ABR: variants seen among roughly 807,000 people sequenced by gnomAD.
The protein encoded by ABR is active breakpoint cluster region-related protein.
A neutral mutation model predicts 107.2 loss-of-function variants in ABR; 35 were observed. The observed-to-expected ratio is 0.33, with a 90% confidence interval of 0.25 to 0.43. ABR has a LOEUF of 0.43. Ranked by LOEUF, ABR falls within the 20% of genes least tolerant of loss-of-function variation. ABR has a pLI of 1.00. For synonymous variants in ABR, 498 were observed against 462.0 expected (o/e 1.08, Z -1.00); for missense variants, 815 against 1,115.2 (o/e 0.73, Z 3.83).
chr17:1,056,387 G>C (rs902641692), intron 13 of ABR, among the ~76,000 whole-genome samples: 1 of 152,098 alleles, frequency 6.6e-6, no homozygotes, highest in Non-Finnish European at 1.5e-5. Flanking sequence ...TTCCCCATGG[G>C]TACTGTCTCT....
intron 1 of ABR, chr17:1,156,006 T>C (rs938649225): frequency 4.1e-5 from 6 of 144,612 alleles, no homozygotes; most frequent in African/African-American, 1.5e-4. Context: ...GGTGACCAGA[T>C]CCTGCTGGCC....
chr17:1,166,714 T>C lies in ABR; in HGVS notation c.61+12953A>G, dbSNP rs1268232015. 5.3e-5 allele frequency among the ~76,000 whole-genome samples: 8 copies of C among 152,128 alleles called. No homozygotes were observed. The South Asian group carries it at 1.5e-3, about 28-fold the overall frequency. On this transcript the variant is annotated intron_variant, in intron 1 of 22. Coordinates refer to ENST00000302538, the MANE Select transcript of ABR (RefSeq NM_021962.5). ...CCTGGGACTTGCTAGAAATGCAGAA[T>C]CCAGGCCGGGCGCAGGGGCTCACGC...
intron 16 of ABR, 193 bp downstream of exon 16, chr17:1,049,857 A>T: frequency 1.4e-6 from 1 of 694,696 alleles, no homozygotes; most frequent in Non-Finnish European, 2.4e-6. Flanking sequence ...GGAGCCACGC[A>T]CACGCCTGGG....
At chr17:1,104,522 C>T (rs1412748492) in intron 2 of ABR, among the ~76,000 whole-genome samples, 1 of 152,182 alleles carries the variant, frequency 6.6e-6, no homozygotes, top group African/African-American at 2.4e-5. Flanking sequence ...AGTCAGTTCA[C>T]GGGCCACAGC....
intron 2 of ABR, among the ~76,000 whole-genome samples, chr17:1,110,362 G>T (rs374354442): frequency 6.6e-6 from 1 of 152,016 alleles, no homozygotes; most frequent in East Asian, 1.9e-4. Context: ...TGCGGGTGAG[G>T]CCTGCGGGTG....
At chr17:1,025,571 TCTGCCTCTGAGCACAC>T (rs1309533879) in intron 16 of ABR, among the ~76,000 whole-genome samples, 1 of 152,066 alleles carries the variant, frequency 6.6e-6, no homozygotes, top group Non-Finnish European at 1.5e-5. Context: ...ACTGTCCCCC[TCTGCCTCTGAGCACAC>T]CTGCCTCGGG....
chr17:1,140,615 A>G (rs966334155), intron 1 of ABR, among the ~76,000 whole-genome samples: 1 of 151,988 alleles, frequency 6.6e-6, no homozygotes, highest in Admixed American at 6.6e-5. Flanking sequence ...CGAAGTCTCA[A>G]TCTGTCACCC....
At chr17:1,045,443 A>T (rs902218222) in intron 16 of ABR, among the ~76,000 whole-genome samples, 1 of 151,450 alleles carries the variant, frequency 6.6e-6, no homozygotes, top group African/African-American at 2.4e-5. Flanking sequence ...TTCTTACAGC[A>T]GGACAATCTT....
At chr17:1,066,593 T>C (rs866184931) in intron 10 of ABR, among the ~76,000 whole-genome samples, 1 of 152,020 alleles carries the variant, frequency 6.6e-6, no homozygotes, top group Non-Finnish European at 1.5e-5. Flanking sequence ...CATTGGCATG[T>C]TCTTGGCTCA....
At position 1,039,213 on chromosome 17, in the gene ABR, CA is replaced by C. The variant is rs1022056488; in HGVS notation, c.1791+10836del. Among the ~76,000 whole-genome samples the C allele has an allele frequency of 5.3e-5, 8 of 152,208 alleles. No individual in the cohort carries two copies. In the East Asian group the frequency reaches 1.4e-3, roughly 26 times the overall value. ...TGGTGCCCACCCTTCAGAGGCGGGT[CA>C]GGGGGAGCGGGCGCCAAGCCTGCCT... is the stretch of plus-strand genomic sequence containing the variant. On this transcript the variant is annotated intron_variant, in intron 16 of 22. Coordinates refer to ENST00000302538, the MANE Select transcript of ABR (RefSeq NM_021962.5).
In ABR at chr17:1,037,172, G is replaced by A. The variant is rs138674498; in HGVS notation, c.1791+12878C>T. On this transcript the variant is annotated intron_variant, in intron 16 of 22. Coordinates refer to ENST00000302538, the MANE Select transcript of ABR (RefSeq NM_021962.5). This position sits in a 1 kb window ranked among gnomAD's most constrained non-coding sequence, Gnocchi z 4.6. ...GGTCCAGGGTGGGCTCAAGGTTGAA[G>A]ATGGGCACAGTGTAAGGAAGAAGGC... Among the ~76,000 whole-genome samples, 7 of 152,332 alleles carry A rather than the reference G, an allele frequency of 4.6e-5. No homozygotes were observed. The highest frequency in any genetic ancestry group is 1.4e-4 in the African/African-American group (6 of 41,582).
chr17:1,039,169 C>G (rs1467350322), intron 16 of ABR, among the ~76,000 whole-genome samples: 2 of 152,186 alleles, frequency 1.3e-5, no homozygotes, highest in Non-Finnish European at 2.9e-5. Context: ...GAGGTCCTGT[C>G]TGGACCGGCT....
At chr17:1,105,754 T>C (rs1220251013) in intron 2 of ABR, among the ~76,000 whole-genome samples, 1 of 151,548 alleles carries the variant, frequency 6.6e-6, no homozygotes, top group Admixed American at 6.6e-5. Flanking sequence ...GTGCCTGTAG[T>C]GAGGGGGAGG....
intron 1 of ABR, among the ~76,000 whole-genome samples, chr17:1,221,407 G>A (rs28624745): frequency 0.28 from 42,502 of 152,042 alleles, 6,126 homozygotes; most frequent in African/African-American, 0.33. Context: ...CAGCTATTTC[G>A]GACCAGGAGG....
intron 1 of ABR, among the ~76,000 whole-genome samples, chr17:1,159,313 G>GGAAGTATGCGGTACTCACACACAGGA (rs1555608527): frequency 2.7e-4 from 7 of 25,868 alleles, no homozygotes; most frequent in Admixed American, 4.9e-4. Context: ...CACACACAAG[G>GGAAGTATGCGGTACTCACACACAGGA]GAAGTAAGAA....
Position 1,162,590 on chromosome 17 carries a change from G to A in ABR, c.61+17077C>T, listed in dbSNP as rs141583160. On this transcript the variant is annotated intron_variant, in intron 1 of 22. Coordinates refer to ENST00000302538, the MANE Select transcript of ABR (RefSeq NM_021962.5). The stretch of plus-strand genomic sequence containing the variant: ...CTGCCCTCACCCTGCCCACATTTCC[G>A]TCATAGCTCTCCCCGCACTCCTCAG... Among the ~76,000 whole-genome samples, 14 of 152,312 alleles carry A rather than the reference G, an allele frequency of 9.2e-5. No homozygotes were observed. The East Asian group carries it at 1.7e-3, about 19-fold the overall frequency.
At chr17:1,019,751 C>A (rs1002753506) in intron 16 of ABR, among the ~76,000 whole-genome samples, 1 of 152,240 alleles carries the variant, frequency 6.6e-6, no homozygotes, top group Admixed American at 6.5e-5. Context: ...AGATTAGCAC[C>A]GGGGTGGAGG....
chr17:1,007,133 G>A (rs559135171), intron 22 of ABR, 32 bp downstream of exon 22: 95 of 1,417,268 alleles, frequency 6.7e-5, no homozygotes, highest in Admixed American at 3.1e-4. Flanking sequence ...GTCACCCTCC[G>A]CCAGCCACGG....
At chr17:1,055,579 G>A (rs1249966977) in intron 14 of ABR, 2 of 154,120 alleles carry the variant, frequency 1.3e-5, no homozygotes, top group East Asian at 3.8e-4. Flanking sequence ...CCAGGGTGGA[G>A]TGCAATGCCA....
Sources: gnomAD v4.1 joint callset for allele counts (sites outside exome capture counted in the v4.1 genomes callset) on GRCh38, gnomAD v4.1.1 for gene constraint, Gnocchi (gnomAD v3.1) non-coding constraint, MANE v1.5 for transcripts, NCBI Gene and HGNC (gene_info 2026-07-23, HGNC 2026-07-21) for gene names.